The following AATF variants were observed in gnomAD, a reference collection of about 807,000 sequenced individuals.
The protein encoded by AATF is protein AATF.
In AATF, 48 loss-of-function variants were observed where a neutral mutation model predicts 63.7. That is an observed-to-expected ratio of 0.75 (90% CI 0.60 to 0.96). The LOEUF is 0.96. Among genes scored for constraint, AATF ranks in the 40% least tolerant of loss-of-function variants. The probability of loss-of-function intolerance (pLI) is 0.00; values close to 1 mark genes in which losing one functional copy is unlikely to be tolerated. For missense variants in AATF, 639 were observed against 685.7 expected (o/e 0.93, Z 0.76); for synonymous variants, 258 against 247.7 (o/e 1.04, Z -0.39).
At chr17:36,989,142 A>G (rs1200177572) in intron 6 of AATF, 105 bp from the exon 7 acceptor site, 7 of 1,306,246 alleles carry the variant, frequency 5.4e-6, no homozygotes, top group Non-Finnish European at 7.3e-6. Flanking sequence ...TCCTGAAAAG[A>G]TGATTTTCTA....
At chr17:37,031,778 T>G (rs936631895) in intron 11 of AATF, 93 bp downstream of exon 11, 15 of 1,015,670 alleles carry the variant, frequency 1.5e-5, no homozygotes, top group Non-Finnish European at 2.3e-5. Context: ...TTTCTTCTTA[T>G]CAGTTAACCA....
chr17:37,049,384 C>T (rs991257946), intron 11 of AATF, among the ~76,000 whole-genome samples: 2 of 152,006 alleles, frequency 1.3e-5, no homozygotes, highest in Admixed American at 6.5e-5. Context: ...GGGCAGATCA[C>T]GAGGTCAGGA....
chr17:36,961,051 C>T (rs1363770652), intron 4 of AATF, among the ~76,000 whole-genome samples: 1 of 152,046 alleles, frequency 6.6e-6, no homozygotes, highest in African/African-American at 2.4e-5. Context: ...ACACACACAC[C>T]ACACACTTTT....
chr17:37,039,630 C>A (rs1213866402), intron 11 of AATF, among the ~76,000 whole-genome samples: 1 of 152,128 alleles, frequency 6.6e-6, no homozygotes, highest in African/African-American at 2.4e-5. Flanking sequence ...AAAGGACCCG[C>A]ATATATCATC....
chr17:37,018,668 A>C lies in AATF; in HGVS notation c.1399-337A>C, dbSNP rs570640212. 8.5e-5 allele frequency among the ~76,000 whole-genome samples: 13 copies of C among 152,304 alleles called. No individual in the cohort carries two copies. The South Asian group carries it at 2.7e-3, about 32-fold the overall frequency. On this transcript the variant is annotated intron_variant, in intron 8 of 11. Transcript: ENST00000619387. The stretch of plus-strand genomic sequence containing the variant: ...CACGGCCCTTCCCACCTGACCTTTT[A>C]AAGATTCTCCATTGATATCAATGGA...
At chr17:36,976,175 C>CT (rs1306301919) in intron 4 of AATF, among the ~76,000 whole-genome samples, 3 of 152,282 alleles carry the variant, frequency 2.0e-5, no homozygotes, top group African/African-American at 7.2e-5. Context: ...TCATTACACT[C>CT]TGTTTCCCAG....
intron 11 of AATF, chr17:37,056,068 A>G (rs78853739): frequency 1.3e-5 from 2 of 152,340 alleles, no homozygotes; most frequent in African/African-American, 2.4e-5. Flanking sequence ...AGCCAATCAT[A>G]TTATTTATTA....
chr17:36,989,381 G>A lies in AATF; in HGVS notation c.1284G>A (p.Gln428=), dbSNP rs772282773. 2 of 1,613,604 alleles carry A rather than the reference G, an allele frequency of 1.2e-6. No individual in the cohort carries two copies. The highest frequency in any genetic ancestry group is 4.5e-5 in the East Asian group (2 of 44,900). The change falls in exon 7 of 12, where the codon CAG becomes CAA. Residue 428 remains glutamine (Q), a synonymous_variant. Transcript: ENST00000619387. ...TTGGCAAACCTGAGCCAGCAGCTCAGCCTGTCCCAGAGAGTTTGCCAGGGG... is the reference window on the plus strand; with the variant it reads ...TTGGCAAACCTGAGCCAGCAGCTCAACCTGTCCCAGAGAGTTTGCCAGGGG... The part of the protein sequence containing the change: ...RVLGKPEPAA[Q]PVPESLPGEP...
intron 11 of AATF, among the ~76,000 whole-genome samples, chr17:37,047,588 G>C (rs931594818): frequency 6.6e-6 from 1 of 152,182 alleles, no homozygotes; most frequent in Non-Finnish European, 1.5e-5. Context: ...GAGTCTGTCT[G>C]ATCTTTAGGG....
rs2411165 is a variant in AATF, at chr17:36,973,996, G to A, written c.833-12621G>A. ...AGGCAGAAGAATCGCTTGAACCTGG[G>A]AGGTGGAGGTTGCAGTGAGCCAAAA... On this transcript the variant is annotated intron_variant, in intron 4 of 11. Coordinates refer to ENST00000619387, the MANE Select transcript of AATF (RefSeq NM_012138.4). Among the ~76,000 whole-genome samples the A allele has an allele frequency of 1.8e-4, 27 of 151,890 alleles. 1 individual carries two copies. Among genetic ancestry groups the A allele is most frequent in the African/African-American group, 5.8e-4 (24 of 41,390 alleles).
chr17:36,987,049 G>A (rs1354475827), intron 5 of AATF, among the ~76,000 whole-genome samples: 2 of 152,164 alleles, frequency 1.3e-5, no homozygotes, highest in Non-Finnish European at 2.9e-5. Flanking sequence ...GTGCAGTGAT[G>A]TGATCGCAGC....
rs1005191789 is a variant in AATF, at chr17:36,987,203, C to G, written c.947+472C>G. On this transcript the variant is annotated intron_variant, in intron 5 of 11. Coordinates refer to ENST00000619387, the MANE Select transcript of AATF (RefSeq NM_012138.4). ...ACAGGGTCTTGCTGTGTTTCCCTAT[C>G]TGGTCTCAAACTCCTGGGCTCGAGC... 3.6e-5 allele frequency among the ~76,000 whole-genome samples: 5 copies of G among 140,708 alleles called. No homozygotes were observed. The East Asian group carries it at 8.1e-4, about 23-fold the overall frequency. The allele number at this position is 140,708 out of a possible 152,430, so 92.3% of individuals were successfully genotyped here.
chr17:36,968,102 C>G (rs1444662560), intron 4 of AATF, among the ~76,000 whole-genome samples: 1 of 151,410 alleles, frequency 6.6e-6, no homozygotes, highest in Non-Finnish European at 1.5e-5. Flanking sequence ...TTCTGGAAGG[C>G]CTATTACTTG....
chr17:37,036,423 G>T (rs572918544), intron 11 of AATF, among the ~76,000 whole-genome samples: 1 of 152,134 alleles, frequency 6.6e-6, no homozygotes, highest in African/African-American at 2.4e-5. Flanking sequence ...TTTAACACAG[G>T]ATATTATCCT....
chr17:37,037,004 C>A (rs1405911890), intron 11 of AATF, among the ~76,000 whole-genome samples: 2 of 144,328 alleles, frequency 1.4e-5, no homozygotes, highest in Non-Finnish European at 3.0e-5. Context: ...ACAGCATCAT[C>A]TTTTTGTTTT....
rs374750024 is a variant in AATF at position 36,990,820 on chromosome 17, A to G, written c.1361A>G (p.Asp454Gly). 7 of 1,595,152 alleles carry G rather than the reference A, an allele frequency of 4.4e-6. No individual in the cohort carries two copies. Among genetic ancestry groups the G allele is most frequent in the Non-Finnish European group, 6.0e-6 (7 of 1,173,774 alleles). Residue 454 changes from aspartate (D) to glycine (G), a missense_variant, in exon 8 of 12, where the codon GAT becomes GGT. Coordinates refer to ENST00000619387, the MANE Select transcript of AATF (RefSeq NM_012138.4). ...APANAHLKDLDEEIFDDDDFY... is the reference protein window; with the variant it reads ...APANAHLKDLGEEIFDDDDFY... ...GCTAATGCTCATCTGAAGGACTTGG[A>G]TGAAGAAATCTTTGATGATGATGAC...
chr17:37,022,846 A>G (rs190219169), intron 10 of AATF, among the ~76,000 whole-genome samples: 17 of 152,256 alleles, frequency 1.1e-4, no homozygotes, highest in Non-Finnish European at 2.2e-4. Context: ...TATTATTGCT[A>G]TCAGTATTCC....
chr17:37,046,967 C>T (rs1477828143), intron 11 of AATF, among the ~76,000 whole-genome samples: 2 of 152,164 alleles, frequency 1.3e-5, no homozygotes, highest in African/African-American at 4.8e-5. Context: ...AGCCAGCAGT[C>T]ACAAAACCGT....
At chr17:37,023,519 G>A (rs2071488271) in intron 10 of AATF, among the ~76,000 whole-genome samples, 2 of 147,178 alleles carry the variant, frequency 1.4e-5, no homozygotes, top group African/African-American at 5.0e-5. Flanking sequence ...TTAAAAAGAG[G>A]CATTCTTTTT....
Sources: allele counts gnomAD v4.1 joint callset (sites outside exome capture counted in the v4.1 genomes callset), GRCh38; gene constraint gnomAD v4.1.1; transcripts MANE v1.5; gene names NCBI Gene and HGNC (gene_info 2026-07-23, HGNC 2026-07-21).